The following CAMKK1 variants were observed in gnomAD, a reference collection of about 807,000 sequenced individuals.
CAMKK1 encodes the protein calcium/calmodulin-dependent protein kinase kinase 1.
CAMKK1 carries 20 observed loss-of-function variants against 63.5 expected under a neutral mutation model. The observed-to-expected ratio is 0.32, with a 90% CI of 0.22 to 0.46. The LOEUF is 0.46. CAMKK1 is among the 20% of genes least tolerant of loss of function. The pLI is 1.00. For synonymous variants in CAMKK1, 253 were observed against 269.0 expected (o/e 0.94, Z 0.58); for missense variants, 588 against 658.1 (o/e 0.89, Z 1.17).
intron 12 of CAMKK1, 34 bp downstream of exon 12, chr17:3,872,520 G>A (rs1182305878): frequency 1.9e-6 from 3 of 1,577,208 alleles, no homozygotes; most frequent in Non-Finnish European, 2.6e-6. Context: ...GGAGCGGGTG[G>A]TAGCCCCCTT....
chr17:3,869,398 C>T, intron 14 of CAMKK1, 89 bp downstream of exon 14: 1 of 1,553,766 alleles, frequency 6.4e-7, no homozygotes, highest in Non-Finnish European at 8.7e-7. Flanking sequence ...CCAGGCAGGC[C>T]TCTGTCCCCC....
chr17:3,882,960 T>C lies in CAMKK1; in HGVS notation c.648+82A>G, dbSNP rs2055479606. 6.5e-7 allele frequency: 1 copy of C among 1,538,556 alleles called. No homozygotes were observed. The highest frequency in any genetic ancestry group is 1.7e-4 in the Middle Eastern group (1 of 5,728). ...GCCACCTGGGCAAGATCCCTGGGTC[T>C]GTGCTAGGGGCTCCCCAGCACCAGA... is the stretch of plus-strand genomic sequence containing the variant. On this transcript the variant is annotated intron_variant, in intron 6 of 15. Coordinates refer to ENST00000348335, the MANE Select transcript of CAMKK1 (RefSeq NM_032294.3). The surrounding 1 kb of genome is among the most constrained non-coding windows in gnomAD (Gnocchi z 4.3).
chr17:3,883,106 C>CG lies in CAMKK1; in HGVS notation c.583dup (p.Arg195ProfsTer26). 6.2e-7 allele frequency: 1 copy of CG among 1,613,758 alleles called. No homozygotes were observed. Among genetic ancestry groups the CG allele is most frequent in the Non-Finnish European group, 8.5e-7 (1 of 1,179,972 alleles). On this transcript the variant is annotated frameshift_variant, in exon 6 of 16. Transcript: ENST00000348335. LOFTEE classifies it high-confidence loss of function. This position sits in a 1 kb window ranked among gnomAD's most constrained non-coding sequence, Gnocchi z 4.7. ...CAGGATGGCAATCTCCTGGTACACCCGCTCCAGGGGCAGCAGCTGCTTGGC... is the reference window on the plus strand; with the variant it reads ...CAGGATGGCAATCTCCTGGTACACCCGGCTCCAGGGGCAGCAGCTGCTTGGC...
intron 12 of CAMKK1, among the ~76,000 whole-genome samples, chr17:3,871,606 T>C (rs989225936): frequency 1.3e-5 from 2 of 150,346 alleles, no homozygotes; most frequent in South Asian, 2.1e-4. Flanking sequence ...TCCGCCCTCC[T>C]TGGCCTCCCA....
Position 3,869,891 on chromosome 17 carries a change from G to A in CAMKK1, c.1125-3C>T, listed in dbSNP as rs1268755843. On this transcript the variant is annotated splice_region_variant and splice_polypyrimidine_tract_variant and intron_variant, in intron 12 of 15. Transcript: ENST00000348335. ...TGAGCTCCTCGCTGATTTCTGGCCT[G>A]GAGAGGGCGAAGGAAGGAGAGGAGG... 1 of 1,613,866 alleles carries A rather than the reference G, an allele frequency of 6.2e-7. No homozygotes were observed. The highest frequency in any genetic ancestry group is 1.7e-5 in the Admixed American group (1 of 60,028).
chr17:3,888,407 C>T (rs1184931082), intron 1 of CAMKK1, among the ~76,000 whole-genome samples: 1 of 152,218 alleles, frequency 6.6e-6, no homozygotes, highest in Non-Finnish European at 1.5e-5. Flanking sequence ...CCCGGTTTGG[C>T]GCCCAGGCTC....
chr17:3,880,834 T>C lies in CAMKK1; in HGVS notation c.708-400A>G, dbSNP rs546317890. The stretch of plus-strand genomic sequence containing the variant: ...AGAATATATCAGAATATATTGCATG[T>C]AGTAAAGATATATGCTGCTTTGTAA... On this transcript the variant is annotated intron_variant, in intron 8 of 15. Transcript: ENST00000348335. Among the ~76,000 whole-genome samples the C allele has an allele frequency of 3.0e-4, 46 of 151,996 alleles. 1 individual carries two copies. Among genetic ancestry groups the C allele is most frequent in the Middle Eastern group, 6.8e-3 (2 of 294 alleles).
chr17:3,869,944 T>G, intron 12 of CAMKK1, 56 bp from the exon 13 acceptor site: 1 of 1,388,736 alleles, frequency 7.2e-7, no homozygotes, highest in African/African-American at 1.4e-5. Flanking sequence ...GACCCCTTCC[T>G]GTCCACCTCT....
At chr17:3,867,881 A>G (rs976652634) in intron 14 of CAMKK1, among the ~76,000 whole-genome samples, 1 of 152,132 alleles carries the variant, frequency 6.6e-6, no homozygotes, top group Non-Finnish European at 1.5e-5. Context: ...CCAAGTGCCA[A>G]CACAGAAGCT....
rs1646003493 is a variant in CAMKK1, at chr17:3,862,915, G to A, written c.1446-632C>T. Among the ~76,000 whole-genome samples the A allele has an allele frequency of 6.6e-6, 1 of 152,188 alleles. No individual in the cohort carries two copies. Among genetic ancestry groups the A allele is most frequent in the Admixed American group, 6.5e-5 (1 of 15,280 alleles). On this transcript the variant is annotated intron_variant, in intron 15 of 15. Transcript: ENST00000348335. The surrounding 1 kb of genome is among the most constrained non-coding windows in gnomAD (Gnocchi z 4.1). The stretch of plus-strand genomic sequence containing the variant: ...GCCTCCTAAAGTGTTGGGATTGCAG[G>A]CGTGAGCCACCGTGCCCGGCCTGAG...
rs144792679 is a variant in CAMKK1 at position 3,862,233 on chromosome 17, T to C, written c.1496A>G (p.Gln499Arg). 483 of 1,591,418 alleles carry C rather than the reference T, an allele frequency of 3.0e-4. No homozygotes were observed. In the African/African-American group the frequency reaches 4.5e-3, roughly 15 times the overall value. ...GGCTCAGGATGCAGCCTCGTCTTCC[T>C]GGACGCCGGGGAGCTCTGGGCTCTT... ...GGKSPELPGVQEDEAAS is the reference protein window; with the variant it reads ...GGKSPELPGVREDEAAS Residue 499 changes from glutamine to arginine, a missense_variant, in exon 16 of 16, where the codon CAG becomes CGG. Gln to Arg is a conservative substitution (Grantham distance 43). Coordinates refer to ENST00000348335, the MANE Select transcript of CAMKK1 (RefSeq NM_032294.3). This position sits in a 1 kb window ranked among gnomAD's most constrained non-coding sequence, Gnocchi z 4.1.
In CAMKK1 at chr17:3,866,009, G is replaced by A; in HGVS notation, c.1344C>T (p.Ile448=). Residue 448 remains isoleucine, a splice_region_variant and synonymous_variant, in exon 15 of 16, where the codon ATC becomes ATT. Transcript: ENST00000348335. ...GCTTCCTCAGCATGGACTTCACCAG[G>A]ATCTGAGGAGGACAAGGCAGCGTGA... ...VRLIPSWTTV[I]LVKSMLRKRS... The A allele has an allele frequency of 6.2e-7, 1 of 1,613,950 alleles. No individual in the cohort carries two copies. Among genetic ancestry groups the A allele is most frequent in the Non-Finnish European group, 8.5e-7 (1 of 1,179,942 alleles).
chr17:3,885,823 C>G (rs767926405), intron 1 of CAMKK1, 93 bp from the exon 2 acceptor site: 16 of 1,298,714 alleles, frequency 1.2e-5, no homozygotes, highest in Admixed American at 2.3e-5. Context: ...ACCTCCATGC[C>G]TTTGCCCTGG....
intron 14 of CAMKK1, 140 bp from the exon 15 acceptor site, chr17:3,866,151 G>A: frequency 2.0e-6 from 2 of 1,018,736 alleles, no homozygotes; most frequent in Non-Finnish European, 2.9e-6. Context: ...AAATGGCAGA[G>A]GCAAGAACAC....
chr17:3,869,546 C>G lies in CAMKK1; in HGVS notation c.1282G>C (p.Glu428Gln). 2 of 1,614,242 alleles carry G rather than the reference C, an allele frequency of 1.2e-6. No individual in the cohort carries two copies. Among genetic ancestry groups the G allele is most frequent in the Non-Finnish European group, 1.7e-6 (2 of 1,180,048 alleles). The change falls in exon 14 of 16, where the codon GAG (glutamate) becomes CAG (glutamine). Residue 428 changes from glutamate (E) to glutamine (Q), a missense_variant. This residue lies in a region of CAMKK1 where 226 missense variants were observed against 229.2 expected (regional missense o/e 0.99). Coordinates refer to ENST00000348335, the MANE Select transcript of CAMKK1 (RefSeq NM_032294.3). ...TTCTTAACCTCCTCCTCTGTCACCT[C>G]CACCACGCTGCAGTGCTCCTCCTCC... ...PSEEEHCSVV[E>Q]VTEEEVKNSV...
In CAMKK1 at chr17:3,884,464, C is replaced by T; in HGVS notation, c.361-37G>A. 6.2e-7 allele frequency: 1 copy of T among 1,605,604 alleles called. No homozygotes were observed. The highest frequency in any genetic ancestry group is 8.5e-7 in the Non-Finnish European group (1 of 1,174,144). On this transcript the variant is annotated intron_variant, in intron 2 of 15. Coordinates refer to ENST00000348335, the MANE Select transcript of CAMKK1 (RefSeq NM_032294.3). The surrounding 1 kb of genome is among the most constrained non-coding windows in gnomAD (Gnocchi z 4.5). ...GAGCGAGCACCAGGTGGAGCTGGGT[C>T]CGGAGGCAGCACTGCTCCTACCTCA...
rs2054738383 is a variant in CAMKK1 at position 3,869,447 on chromosome 17, G to A, written c.1341+40C>T. On this transcript the variant is annotated intron_variant, in intron 14 of 15. Transcript: ENST00000348335. The stretch of plus-strand genomic sequence containing the variant: ...ACAGAGCAAGGCTCAGGTCCCCCAG[G>A]CCCTCCAGGACAAGGGAGCATCTAC... 3.1e-6 allele frequency: 5 copies of A among 1,612,528 alleles called. No homozygotes were observed. The Admixed American group carries it at 6.7e-5, about 22-fold the overall frequency.
At chr17:3,865,292 C>A (rs1278409544) in intron 15 of CAMKK1, 1 of 986,806 alleles carries the variant, frequency 1.0e-6, no homozygotes, top group Non-Finnish European at 1.2e-6. Context: ...CCATAGGGAG[C>A]CCTCGGCCAA....
intron 9 of CAMKK1, 189 bp downstream of exon 9, chr17:3,880,157 G>A (rs1236106884): frequency 3.3e-6 from 2 of 599,760 alleles, no homozygotes; most frequent in South Asian, 2.0e-5. Flanking sequence ...GCCCAGTGGA[G>A]TCCACCGCCC....
Sources: allele counts gnomAD v4.1 joint callset (sites outside exome capture counted in the v4.1 genomes callset), GRCh38; gene constraint gnomAD v4.1.1; regional missense constraint gnomAD v4.1.1; non-coding constraint Gnocchi (gnomAD v3.1); transcripts MANE v1.5; gene names NCBI Gene and HGNC (gene_info 2026-07-23, HGNC 2026-07-21).